Variants in NSD2 observed in about 807,000 individuals in gnomAD.
The protein encoded by NSD2 is nuclear receptor binding SET domain protein 2, also known as histone-lysine N-methyltransferase NSD2.
A neutral mutation model predicts 139.0 loss-of-function variants in NSD2; 12 were observed. The ratio of observed to expected loss-of-function variants is 0.09; its 90% CI spans 0.06 to 0.14. The LOEUF is 0.14. NSD2 is among the 10% of genes least tolerant of loss of function. The pLI is 1.00. For missense variants in NSD2, 1,155 were observed against 1,745.0 expected, an observed-to-expected ratio of 0.66 and a Z score of 6.02; for synonymous variants, 669 against 648.7, an observed-to-expected ratio of 1.03 and a Z score of -0.48.
At chr4:1,924,884 G>A (rs142903185) in intron 5 of NSD2, among the ~76,000 whole-genome samples, 2 of 152,070 alleles carry the variant, frequency 1.3e-5, no homozygotes, top group Non-Finnish European at 2.9e-5. Context: ...CCATCATTGC[G>A]CCACTGCACT....
chr4:1,957,380 T>TACC (rs1264584186), intron 15 of NSD2, among the ~76,000 whole-genome samples: 2,283 of 150,348 alleles, frequency 0.015, 62 homozygotes, highest in African/African-American at 0.052. Context: ...ACCTCCTGGG[T>TACC]TCAAGCAATT....
chr4:1,948,092 A>G lies in NSD2; in HGVS notation c.1882-2980A>G, dbSNP rs1041962938. ...CTGAAGGAATGTATTTCTAAGGCAAATAGGCAACTTGGTACTATCTTATTC... is the reference window on the plus strand; with the variant it reads ...CTGAAGGAATGTATTTCTAAGGCAAGTAGGCAACTTGGTACTATCTTATTC... On this transcript the variant is annotated intron_variant, in intron 9 of 21. Transcript: ENST00000508803. This position sits in a 1 kb window ranked among gnomAD's most constrained non-coding sequence, Gnocchi z 4.5. The G allele has an allele frequency of 1.7e-5, 18 of 1,058,902 alleles. No individual in the cohort carries two copies. The highest frequency in any genetic ancestry group is 1.6e-4 in the Admixed American group (3 of 18,462). 65.6% of individuals were successfully genotyped at this position (1,058,902 alleles called of 1,614,324 possible).
At chr4:1,938,396 C>CTTTTTTTTTTTTTTTTTTTTTTT (rs1191163534) in intron 7 of NSD2, 55 bp from the exon 8 acceptor site, 5 of 992,184 alleles carry the variant, frequency 5.0e-6, no homozygotes, top group South Asian at 2.9e-5. Flanking sequence ...TCCTTTTTTT[C>CTTTTTTTTTTTTTTTTTTTTTTT]TTTTCTTTTT....
intron 9 of NSD2, among the ~76,000 whole-genome samples, chr4:1,950,235 G>T (rs1205316927): frequency 6.6e-6 from 1 of 152,186 alleles, no homozygotes; most frequent in African/African-American, 2.4e-5. Flanking sequence ...TGAGGGTGAG[G>T]CTGAGGCTGT....
At chr4:1,894,249 G>T (rs892700903) in intron 1 of NSD2, among the ~76,000 whole-genome samples, 1 of 151,828 alleles carries the variant, frequency 6.6e-6, no homozygotes, top group African/African-American at 2.4e-5. Context: ...GAGCCACCAC[G>T]CCTGGTGAAG....
rs534087983 is a variant in NSD2, at chr4:1,907,937, C to A, written c.760+3559C>A. On this transcript the variant is annotated intron_variant, in intron 3 of 21. Transcript: ENST00000508803. ...TCTTTTGTTGCATGATGGCTGGTAG[C>A]TTTCGTGGCACTGTTACCCCCAAAT... 3.0e-4 allele frequency among the ~76,000 whole-genome samples: 45 copies of A among 152,242 alleles called. 1 individual carries two copies. Among genetic ancestry groups the A allele is most frequent in the Admixed American group, 2.7e-3 (41 of 15,286 alleles).
In NSD2 at chr4:1,901,070, T is replaced by C; in HGVS notation, c.416T>C (p.Phe139Ser). The C allele has an allele frequency of 6.2e-7, 1 of 1,614,188 alleles. No individual in the cohort carries two copies. Among genetic ancestry groups the C allele is most frequent in the South Asian group, 1.1e-5 (1 of 91,084 alleles). The change falls in exon 2 of 22, where the codon TTT becomes TCT. Residue 139 changes from phenylalanine to serine, a missense_variant. Physicochemically the swap from Phe to Ser is radical, Grantham distance 155. This residue lies in a region of NSD2 where 246 missense variants were observed against 262.8 expected (regional missense o/e 0.94). Coordinates refer to ENST00000508803, the MANE Select transcript of NSD2 (RefSeq NM_001042424.3). ...ACATACATGAATGGGAAGCCTCTCT[T>C]TGAATCTTCCATTTGTGGTGACAGT... ...TKTYMNGKPL[F>S]ESSICGDSAA...
At chr4:1,889,012 C>A (rs1715332416) in intron 1 of NSD2, among the ~76,000 whole-genome samples, 1 of 151,712 alleles carries the variant, frequency 6.6e-6, no homozygotes. Flanking sequence ...ATTCTTCTGC[C>A]TCAGCCTCCC....
At chr4:1,884,449 A>G (rs1487213539) in intron 1 of NSD2, among the ~76,000 whole-genome samples, 1 of 151,968 alleles carries the variant, frequency 6.6e-6, no homozygotes, top group Non-Finnish European at 1.5e-5. Context: ...GCTGGAGTGC[A>G]GTGGCCCAAT....
chr4:1,925,940 C>G (rs1720855098), intron 5 of NSD2, among the ~76,000 whole-genome samples: 1 of 151,266 alleles, frequency 6.6e-6, no homozygotes, highest in Admixed American at 6.6e-5. Flanking sequence ...GTAGCTGGGA[C>G]TACAGCCATG....
rs370211332 is a variant in NSD2 at position 1,934,356 on chromosome 4, A to AT, written c.1556-786dup. 3.3e-3 allele frequency among the ~76,000 whole-genome samples: 503 copies of AT among 150,150 alleles called. 3 individuals are homozygous for AT. Among genetic ancestry groups the AT allele is most frequent in the African/African-American group, 0.012 (487 of 41,012 alleles). Reference sequence around the variant, plus strand: ...CACCTCAGCCTCCCAAAGTATTGGGATTACAGGCATGAGCCACCATGCCCG... The same window carrying AT: ...CACCTCAGCCTCCCAAAGTATTGGGATTTACAGGCATGAGCCACCATGCCCG... On this transcript the variant is annotated intron_variant, in intron 6 of 21. Transcript: ENST00000508803.
chr4:1,953,298 C>G (rs1724473857), intron 11 of NSD2, 26 bp from the exon 12 acceptor site: 2 of 1,614,234 alleles, frequency 1.2e-6, no homozygotes, highest in Non-Finnish European at 8.5e-7. Context: ...ACCTCTCTCT[C>G]CACCCCTTCT....
chr4:1,910,569 C>T (rs766501861), intron 3 of NSD2, among the ~76,000 whole-genome samples: 5 of 152,102 alleles, frequency 3.3e-5, no homozygotes, highest in Non-Finnish European at 7.4e-5. Flanking sequence ...TTTGTTGTCA[C>T]CTTTTCTGTG....
At chr4:1,875,281 T>C (rs1187341176) in intron 1 of NSD2, among the ~76,000 whole-genome samples, 2 of 117,756 alleles carry the variant, frequency 1.7e-5, no homozygotes, top group South Asian at 2.4e-4. Context: ...AGCTTTTTAC[T>C]TTTTTTTTTT....
At chr4:1,902,757 C>T (rs956275674) in intron 2 of NSD2, among the ~76,000 whole-genome samples, 3 of 152,190 alleles carry the variant, frequency 2.0e-5, no homozygotes, top group African/African-American at 4.8e-5. Flanking sequence ...GCTTTTATTC[C>T]TAGCCATGTC....
At position 1,942,692 on chromosome 4, in the gene NSD2, G is replaced by C. The variant is rs985580343; in HGVS notation, c.1881+2914G>C. 1 of 1,129,302 alleles carries C rather than the reference G, an allele frequency of 8.9e-7. No homozygotes were observed. The highest frequency in any genetic ancestry group is 1.6e-5 in the African/African-American group (1 of 62,524). 70.0% of individuals were successfully genotyped at this position (1,129,302 alleles called of 1,614,324 possible). Reference sequence around the variant, plus strand: ...TCCCTTTAGTTGGGGGCTGTCCAGAGCTGCAGCAGGGCTTTGCACGGAAGG... The same window carrying C: ...TCCCTTTAGTTGGGGGCTGTCCAGACCTGCAGCAGGGCTTTGCACGGAAGG... On this transcript the variant is annotated intron_variant, in intron 9 of 21. Transcript: ENST00000508803. The surrounding 1 kb of genome is among the most constrained non-coding windows in gnomAD (Gnocchi z 4.0).
chr4:1,930,903 G>T (rs538182376), intron 6 of NSD2, 133 bp downstream of exon 6: 1 of 1,142,908 alleles, frequency 8.7e-7, no homozygotes, highest in Non-Finnish European at 1.2e-6. Flanking sequence ...TTGGGCCAGC[G>T]GTCCAAGTGC....
At chr4:1,928,642 G>A (rs1445185871) in intron 5 of NSD2, among the ~76,000 whole-genome samples, 1 of 152,090 alleles carries the variant, frequency 6.6e-6, no homozygotes, top group African/African-American at 2.4e-5. Context: ...GGTGGCTGCA[G>A]GGCGCTTGTG....
chr4:1,913,282 G>A (rs1718923698), intron 3 of NSD2, among the ~76,000 whole-genome samples: 1 of 152,172 alleles, frequency 6.6e-6, no homozygotes, highest in Non-Finnish European at 1.5e-5. Flanking sequence ...TCTAGCGGTA[G>A]CGCCAGTGCC....
Sources: allele counts gnomAD v4.1 joint callset (sites outside exome capture counted in the v4.1 genomes callset), GRCh38; gene constraint gnomAD v4.1.1; regional missense constraint gnomAD v4.1.1; non-coding constraint Gnocchi (gnomAD v3.1); transcripts MANE v1.5; gene names NCBI Gene and HGNC (gene_info 2026-07-23, HGNC 2026-07-21).